Variants in MTCL2 observed in about 807,000 individuals in gnomAD.
MTCL2 encodes microtubule crosslinking factor 2.
At chr20:36,814,748 A>G in the MTCL2 span, among the ~76,000 whole-genome samples, 1 of 152,172 alleles carries the variant, frequency 6.6e-6, no homozygotes, top group Non-Finnish European at 1.5e-5. Context: ...TTAGCCAGGC[A>G]TGATGGAGGG....
chr20:36,779,416 G>A, the MTCL2 span: 51 of 152,764 alleles, frequency 3.3e-4, 1 homozygote, highest in Admixed American at 1.5e-3. Flanking sequence ...CAGGGCAGGG[G>A]AGGAAAAAGG....
chr20:36,802,757 C>A, the MTCL2 span: 1 of 1,412,922 alleles, frequency 7.1e-7, no homozygotes, highest in Non-Finnish European at 9.5e-7. Flanking sequence ...TGGATGAGCA[C>A]CTAGATCCAG....
At chr20:36,851,640 C>A in the MTCL2 span, among the ~76,000 whole-genome samples, 1 of 152,234 alleles carries the variant, frequency 6.6e-6, no homozygotes, top group Non-Finnish European at 1.5e-5. Flanking sequence ...GCCTTCCATG[C>A]TCCTCCAGGC....
the MTCL2 span, chr20:36,812,769 T>C: frequency 6.2e-7 from 1 of 1,613,936 alleles, no homozygotes; most frequent in Non-Finnish European, 8.5e-7. Flanking sequence ...GGGTCGGGCT[T>C]AGAGTCCAAG....
the MTCL2 span, among the ~76,000 whole-genome samples, chr20:36,842,665 G>A: frequency 5.9e-5 from 9 of 152,290 alleles, no homozygotes; most frequent in South Asian, 1.2e-3. Flanking sequence ...CCAGCTACTC[G>A]GGAGGCTGAA....
At chr20:36,783,429 C>T in the MTCL2 span, 8 of 152,316 alleles carry the variant, frequency 5.3e-5, no homozygotes, top group East Asian at 1.5e-3. Flanking sequence ...CAGTTTAGGG[C>T]CATCATGCCA....
the MTCL2 span, chr20:36,862,599 C>T: frequency 7.0e-7 from 1 of 1,423,908 alleles, no homozygotes; most frequent in Non-Finnish European, 9.2e-7. Context: ...GCCTCAGGCC[C>T]GCGGGACTGT....
chr20:36,801,663 C>T, the MTCL2 span, among the ~76,000 whole-genome samples: 2 of 151,898 alleles, frequency 1.3e-5, no homozygotes, highest in African/African-American at 4.8e-5. Context: ...TCCTGATTTA[C>T]GTAATTAAAA....
At chr20:36,839,171 C>G in the MTCL2 span, 1 of 1,552,692 alleles carries the variant, frequency 6.4e-7, no homozygotes, top group Non-Finnish European at 8.7e-7. The surrounding 1 kb of genome is among the most constrained non-coding windows in gnomAD (Gnocchi z 5.1). Flanking sequence ...CCCACTTAGA[C>G]TTGTGGTCCC....
At chr20:36,835,807 G>A in the MTCL2 span, among the ~76,000 whole-genome samples, 7 of 152,036 alleles carry the variant, frequency 4.6e-5, no homozygotes, top group African/African-American at 1.7e-4. Context: ...CCTCCTCTCC[G>A]CCCAGACTCC....
chr20:36,808,126 C>T, the MTCL2 span, among the ~76,000 whole-genome samples: 1 of 151,284 alleles, frequency 6.6e-6, no homozygotes. Context: ...CCACCCGCCT[C>T]GGCCTCCCAA....
chr20:36,828,957 T>G, the MTCL2 span: 1 of 1,350,244 alleles, frequency 7.4e-7, no homozygotes, highest in Non-Finnish European at 9.8e-7. Flanking sequence ...AGCTGCCCAT[T>G]TCCCACAAGC....
chr20:36,829,513 C>CT, the MTCL2 span, among the ~76,000 whole-genome samples: 1,516 of 106,456 alleles, frequency 0.014, 24 homozygotes, highest in East Asian at 0.022. Flanking sequence ...TTACCTGAGG[C>CT]TTTTTTTTTT....
chr20:36,805,806 A>G, the MTCL2 span: 1 of 1,486,410 alleles, frequency 6.7e-7, no homozygotes, highest in Non-Finnish European at 9.1e-7. Flanking sequence ...TGAGCAGACA[A>G]AGGAATGAAT....
chr20:36,829,131 C>G, the MTCL2 span: 1 of 1,592,806 alleles, frequency 6.3e-7, no homozygotes, highest in Admixed American at 1.7e-5. Flanking sequence ...CGAAGCTCTT[C>G]GTTCTCCTCC....
At chr20:36,799,521 A>T in the MTCL2 span, among the ~76,000 whole-genome samples, 1 of 151,334 alleles carries the variant, frequency 6.6e-6, no homozygotes, top group African/African-American at 2.4e-5. Flanking sequence ...AAATAAATAA[A>T]TAAATAAATA....
chr20:36,835,308 TG>T, the MTCL2 span, among the ~76,000 whole-genome samples: 826 of 149,998 alleles, frequency 5.5e-3, 5 homozygotes, highest in African/African-American at 0.017. Context: ...AGCTGGGGGT[TG>T]GGGGGGGGCA....
the MTCL2 span, among the ~76,000 whole-genome samples, chr20:36,802,217 C>T: frequency 6.6e-6 from 1 of 152,050 alleles, no homozygotes; most frequent in African/African-American, 2.4e-5. Flanking sequence ...ACCTGGGAGG[C>T]GGAGGCTGCA....
the MTCL2 span, among the ~76,000 whole-genome samples, chr20:36,813,840 A>G: frequency 6.6e-6 from 1 of 151,452 alleles, no homozygotes; most frequent in Non-Finnish European, 1.5e-5. Flanking sequence ...ATTCCCTGCC[A>G]TTGCTCTGAG....
Sources: allele counts gnomAD v4.1 joint callset (sites outside exome capture counted in the v4.1 genomes callset), GRCh38; gene constraint gnomAD v4.1.1; non-coding constraint Gnocchi (gnomAD v3.1); transcripts MANE v1.5; gene names NCBI Gene and HGNC (gene_info 2026-07-23, HGNC 2026-07-21).